MYLK: variants seen among roughly 807,000 people sequenced by gnomAD.
MYLK encodes myosin light chain kinase, smooth muscle.
MYLK carries 106 observed loss-of-function variants against 203.4 expected under a neutral mutation model. The ratio of observed to expected loss-of-function variants is 0.52; its 90% confidence interval spans 0.45 to 0.61. The LOEUF (loss-of-function observed/expected upper bound fraction) is 0.61, where lower values mean the gene tolerates loss of function less well. MYLK is among the 20% of genes least tolerant of loss of function. The probability of loss-of-function intolerance (pLI) is 0.00; values close to 1 mark genes in which losing one functional copy is unlikely to be tolerated. For missense variants in MYLK, 2,072 were observed against 2,442.3 expected (o/e 0.85, Z 3.20); for synonymous variants, 867 against 959.5 (o/e 0.90, Z 1.78).
At chr3:123,850,139 A>G (rs1446504066) in intron 2 of MYLK, among the ~76,000 whole-genome samples, 2 of 152,106 alleles carry the variant, frequency 1.3e-5, no homozygotes, top group Non-Finnish European at 2.9e-5. Context: ...AATCCAGTCT[A>G]TCATTGTTGG....
At chr3:123,620,186 G>A (rs2057774360) in intron 32 of MYLK, 21 bp downstream of exon 32, 1 of 1,584,486 alleles carries the variant, frequency 6.3e-7, no homozygotes, top group Non-Finnish European at 8.7e-7. Context: ...TCACCAGCTG[G>A]CTGGAGAAAC....
intron 13 of MYLK, among the ~76,000 whole-genome samples, chr3:123,711,420 C>T (rs187998927): frequency 2.9e-4 from 44 of 152,266 alleles, no homozygotes; most frequent in East Asian, 1.9e-4. Flanking sequence ...GGGAGTGTGT[C>T]GGCAAGTCAA....
At chr3:123,625,563 C>T (rs2058100144) in intron 31 of MYLK, among the ~76,000 whole-genome samples, 1 of 151,722 alleles carries the variant, frequency 6.6e-6, no homozygotes, top group African/African-American at 2.4e-5. Context: ...AATTCCAACA[C>T]TTTGGGAGGC....
At position 123,784,376 on chromosome 3, in the gene MYLK, C is replaced by CTTTTTTT. The variant is rs576849217; in HGVS notation, c.165+9294_165+9300dup. Among the ~76,000 whole-genome samples the CTTTTTTT allele has an allele frequency of 5.1e-5, 4 of 78,692 alleles. No homozygotes were observed. In the East Asian group the frequency reaches 1.4e-3, roughly 27 times the overall value. The allele number at this position is 78,692 out of a possible 152,430, so 51.6% of individuals were successfully genotyped here. ...CAAATACGGCTCATGGGTTGACTTTCTTTTTTTTTTTTTTTTTTTTTTTTT... is the reference window on the plus strand; with the variant it reads ...CAAATACGGCTCATGGGTTGACTTTCTTTTTTTTTTTTTTTTTTTTTTTTTTTTTTTT... On this transcript the variant is annotated intron_variant, in intron 4 of 33. Transcript: ENST00000360304.
chr3:123,754,002 AGAGT>A (rs1353185337), intron 4 of MYLK, among the ~76,000 whole-genome samples: 2 of 152,222 alleles, frequency 1.3e-5, no homozygotes, highest in East Asian at 3.8e-4. Flanking sequence ...GCAAGGTCAC[AGAGT>A]GATGCTATAT....
intron 2 of MYLK, among the ~76,000 whole-genome samples, chr3:123,864,376 A>G (rs1324985956): frequency 6.6e-6 from 1 of 152,194 alleles, no homozygotes; most frequent in African/African-American, 2.4e-5. Flanking sequence ...CGTAAACAAT[A>G]TTCAACTCAA....
intron 3 of MYLK, among the ~76,000 whole-genome samples, chr3:123,830,795 C>T (rs929822829): frequency 6.6e-6 from 1 of 152,186 alleles, no homozygotes; most frequent in African/African-American, 2.4e-5. Flanking sequence ...AACCACCTTC[C>T]TCACTGCTAA....
intron 24 of MYLK, among the ~76,000 whole-genome samples, chr3:123,650,488 T>G (rs1490052694): frequency 6.6e-6 from 1 of 151,790 alleles, no homozygotes; most frequent in African/African-American, 2.4e-5. Context: ...TGAGTGTGAG[T>G]GTGAGTGTGT....
chr3:123,735,604 T>C, intron 8 of MYLK, 188 bp from the exon 9 acceptor site: 2 of 647,408 alleles, frequency 3.1e-6, no homozygotes, highest in Non-Finnish European at 5.6e-6. Context: ...CTTCAGGTTC[T>C]GTCCTTTGGG....
chr3:123,712,082 C>G (rs1334650699), intron 13 of MYLK, among the ~76,000 whole-genome samples: 1 of 152,194 alleles, frequency 6.6e-6, no homozygotes, highest in Non-Finnish European at 1.5e-5. Flanking sequence ...GGTAACCCCC[C>G]ACGGTCCCCT....
intron 4 of MYLK, among the ~76,000 whole-genome samples, chr3:123,760,159 G>A (rs917768643): frequency 6.6e-6 from 1 of 152,030 alleles, no homozygotes; most frequent in African/African-American, 2.4e-5. Context: ...TACTTCCATG[G>A]AGAAGTATGT....
At chr3:123,712,765 C>G (rs3863976) in intron 13 of MYLK, among the ~76,000 whole-genome samples, 14,637 of 152,226 alleles carry the variant, frequency 0.096, 1,860 homozygotes, top group African/African-American at 0.29. Flanking sequence ...TCGGTCTCTA[C>G]GGGGAGTCGT....
intron 3 of MYLK, among the ~76,000 whole-genome samples, chr3:123,801,310 T>C (rs2065187308): frequency 6.6e-6 from 1 of 152,216 alleles, no homozygotes; most frequent in Non-Finnish European, 1.5e-5. Flanking sequence ...CATTAGCCTA[T>C]CTCCCTACTC....
At chr3:123,815,439 G>A (rs2065716034) in intron 3 of MYLK, among the ~76,000 whole-genome samples, 1 of 152,008 alleles carries the variant, frequency 6.6e-6, no homozygotes, top group South Asian at 2.1e-4. Context: ...CAAGCTTCGA[G>A]AAGTCGTGAA....
intron 5 of MYLK, among the ~76,000 whole-genome samples, chr3:123,745,618 GA>G (rs2062991092): frequency 6.6e-6 from 1 of 152,072 alleles, no homozygotes. Flanking sequence ...ACTAGGAACG[GA>G]ATCCCTTTCT....
Position 123,775,117 on chromosome 3 carries a change from G to A in MYLK, c.165+18560C>T, listed in dbSNP as rs143618560. ...TAGCTCACTGCAGCCTTGAACTCCC[G>A]GGCTCAAGTGATCCTCCCACCTTAG... On this transcript the variant is annotated intron_variant, in intron 4 of 33. Transcript: ENST00000360304. Among the ~76,000 whole-genome samples the A allele has an allele frequency of 5.8e-3, 887 of 152,086 alleles. 6 individuals carry two copies. The highest frequency in any genetic ancestry group is 0.01 in the Non-Finnish European group (684 of 67,978).
At chr3:123,784,305 A>C (rs896684175) in intron 4 of MYLK, among the ~76,000 whole-genome samples, 4 of 151,994 alleles carry the variant, frequency 2.6e-5, no homozygotes, top group Non-Finnish European at 5.9e-5. Flanking sequence ...ATCTTTGCTC[A>C]AACTTTTTGA....
intron 1 of MYLK, among the ~76,000 whole-genome samples, chr3:123,881,429 C>A (rs906474408): frequency 6.6e-6 from 1 of 152,202 alleles, no homozygotes; most frequent in East Asian, 1.9e-4. Context: ...AATTTTACTA[C>A]ATTTGCTGAA....
Position 123,629,439 on chromosome 3 carries a change from G to T in MYLK, c.5114+35C>A, listed in dbSNP as rs1176118210. The T allele has an allele frequency of 6.2e-7, 1 of 1,613,682 alleles. No homozygotes were observed. Among genetic ancestry groups the T allele is most frequent in the Admixed American group, 1.7e-5 (1 of 60,018 alleles). On this transcript the variant is annotated intron_variant, in intron 30 of 33. Transcript: ENST00000360304. The surrounding 1 kb of genome is among the most constrained non-coding windows in gnomAD (Gnocchi z 4.4). ...TTTGCTTCCCAACACAGGGCAGGGA[G>T]TAGGGAAGCAAAGACTGAAATCCCA...
Sources: gnomAD v4.1 joint callset for allele counts (sites outside exome capture counted in the v4.1 genomes callset) on GRCh38, gnomAD v4.1.1 for gene constraint, Gnocchi (gnomAD v3.1) non-coding constraint, MANE v1.5 for transcripts, NCBI Gene and HGNC (gene_info 2026-07-23, HGNC 2026-07-21) for gene names.